DDX31: variants seen among roughly 807,000 people sequenced by gnomAD.
DDX31 encodes the protein ATP-dependent DNA helicase DDX31.
DDX31 carries 70 observed loss-of-function variants against 91.3 expected under a neutral mutation model. That is an observed-to-expected ratio of 0.77 (90% CI 0.63 to 0.94). The LOEUF (loss-of-function observed/expected upper bound fraction) is 0.94. DDX31 is among the 40% of genes least tolerant of loss of function. DDX31 has a pLI of 0.00. For missense variants in DDX31, 902 were observed against 925.0 expected (o/e 0.98, Z 0.32); for synonymous variants, 362 against 350.6 (o/e 1.03, Z -0.36).
chr9:132,633,131 T>G lies in DDX31; in HGVS notation c.1441-1040A>C, dbSNP rs766365004. On this transcript the variant is annotated intron_variant, in intron 14 of 19. Transcript: ENST00000372159. Reference sequence around the variant, plus strand: ...ATGACAAAACCAAAGTTAAGAGAGATAAAGTATTTTGTTCGGGGACACACA... The same window carrying G: ...ATGACAAAACCAAAGTTAAGAGAGAGAAAGTATTTTGTTCGGGGACACACA... Among the ~76,000 whole-genome samples the G allele has an allele frequency of 5.9e-5, 9 of 152,336 alleles. No individual in the cohort carries two copies. The South Asian group carries it at 1.0e-3, about 18-fold the overall frequency.
At chr9:132,661,335 G>A (rs1834928792) in intron 3 of DDX31, 84 bp from the exon 4 acceptor site, 4 of 1,170,864 alleles carry the variant, frequency 3.4e-6, no homozygotes, top group Non-Finnish European at 5.0e-6. Context: ...AGAAACTATT[G>A]AGAGAACATT....
At chr9:132,619,277 G>T (rs765474204) in intron 17 of DDX31, among the ~76,000 whole-genome samples, 14 of 152,188 alleles carry the variant, frequency 9.2e-5, no homozygotes, top group African/African-American at 3.1e-4. Context: ...GCTTTCTACT[G>T]AATGTGAAAT....
intron 6 of DDX31, among the ~76,000 whole-genome samples, chr9:132,657,630 T>G (rs751953870): frequency 4.6e-5 from 7 of 152,266 alleles, no homozygotes; most frequent in Non-Finnish European, 7.3e-5. Context: ...ATACTGCTAA[T>G]TCTGCATATC....
At chr9:132,616,492 C>T (rs978817694) in intron 18 of DDX31, among the ~76,000 whole-genome samples, 2 of 152,192 alleles carry the variant, frequency 1.3e-5, no homozygotes, top group African/African-American at 4.8e-5. Context: ...ATATCTGAGG[C>T]ATCACTGACA....
intron 1 of DDX31, among the ~76,000 whole-genome samples, chr9:132,667,808 T>G (rs1373861297): frequency 6.6e-6 from 1 of 152,224 alleles, no homozygotes; most frequent in African/African-American, 2.4e-5. Flanking sequence ...AGCAATCTAT[T>G]ATCCAAAATG....
intron 13 of DDX31, among the ~76,000 whole-genome samples, chr9:132,645,377 C>T (rs1417838081): frequency 2.0e-5 from 3 of 152,186 alleles, no homozygotes; most frequent in Non-Finnish European, 4.4e-5. Flanking sequence ...CTTTGGTTCA[C>T]GGTACCCTCT....
At chr9:132,650,147 C>G in intron 9 of DDX31, 87 bp downstream of exon 9, 1 of 1,310,176 alleles carries the variant, frequency 7.6e-7, no homozygotes, top group African/African-American at 1.5e-5. Flanking sequence ...ACAAAGCTCT[C>G]AGCAGGTTTA....
At chr9:132,663,168 G>A (rs1835091416) in intron 1 of DDX31, 1 of 1,288,718 alleles carries the variant, frequency 7.8e-7, no homozygotes, top group Admixed American at 2.3e-5. Flanking sequence ...GGAGAGAGGG[G>A]CGAGGGGGAA....
Position 132,614,868 on chromosome 9 carries a change from C to G in DDX31, c.1826-2613G>C, listed in dbSNP as rs369439721. Among the ~76,000 whole-genome samples the G allele has an allele frequency of 7.0e-4, 106 of 152,274 alleles. 1 individual carries two copies. In the South Asian group the frequency reaches 0.017, roughly 25 times the overall value. ...CCTTGTCCTCAAGGCTCCTGTCTCA[C>G]CGGGGACAGCGACAGTTGGTTGTTC... On this transcript the variant is annotated intron_variant, in intron 18 of 19. Coordinates refer to ENST00000372159, the MANE Select transcript of DDX31 (RefSeq NM_022779.9).
intron 14 of DDX31, among the ~76,000 whole-genome samples, chr9:132,632,338 A>G (rs1832842570): frequency 6.7e-6 from 1 of 149,234 alleles, no homozygotes; most frequent in South Asian, 2.1e-4. Flanking sequence ...GACCTACTGC[A>G]GTCCTCTTGT....
chr9:132,658,621 G>A, intron 6 of DDX31, 50 bp downstream of exon 6: 1 of 1,502,462 alleles, frequency 6.7e-7, no homozygotes, highest in Non-Finnish European at 9.2e-7. Context: ...TCAGTTTGAT[G>A]GTTGCTTATG....
At chr9:132,645,824 C>T (rs1246493884) in intron 13 of DDX31, 71 bp downstream of exon 13, 36 of 1,497,594 alleles carry the variant, frequency 2.4e-5, no homozygotes, top group Non-Finnish European at 2.7e-5. Flanking sequence ...CCAGGTTTGC[C>T]GGACTCAGGT....
chr9:132,658,497 A>C lies in DDX31; in HGVS notation c.588+174T>G, dbSNP rs17149424. On this transcript the variant is annotated intron_variant, in intron 6 of 19. Coordinates refer to ENST00000372159, the MANE Select transcript of DDX31 (RefSeq NM_022779.9). The stretch of plus-strand genomic sequence containing the variant: ...GACAATTGTGAAGTGTATTTATTCT[A>C]CTCTAGGCACAGTCTCTAGATACAA... The C allele has an allele frequency of 7.4e-3, 5,017 of 674,100 alleles. 185 individuals carry two copies. The African/African-American group carries it at 0.081, about 11-fold the overall frequency. 41.8% of individuals were successfully genotyped at this position (674,100 alleles called of 1,614,324 possible).
At chr9:132,621,492 GCTTT>G (rs1390280755) in intron 17 of DDX31, among the ~76,000 whole-genome samples, 1 of 152,084 alleles carries the variant, frequency 6.6e-6, no homozygotes, top group Non-Finnish European at 1.5e-5. Flanking sequence ...TGCTTCACTC[GCTTT>G]CTTTCTGTTC....
At chr9:132,660,511 G>A (rs1362272770) in intron 4 of DDX31, among the ~76,000 whole-genome samples, 2 of 152,166 alleles carry the variant, frequency 1.3e-5, no homozygotes, top group Non-Finnish European at 2.9e-5. Context: ...AGAGCCAGCA[G>A]CAGCTGTCCA....
In DDX31 at chr9:132,669,919, C is replaced by T. The variant is rs757808474; in HGVS notation, c.16G>A (p.Gly6Ser). Reference sequence around the variant, plus strand: ...GTCCTGGGGTTGTCGAAGAGCGAACCGTCGGCGGCTGCCATGGTCTGCGTG... The same window carrying T: ...GTCCTGGGGTTGTCGAAGAGCGAACTGTCGGCGGCTGCCATGGTCTGCGTG... MAAAD[G>S]SLFDNPRTFS... The change falls in exon 1 of 20, where the codon GGT (glycine) becomes AGT (serine). Residue 6 changes from glycine to serine, a missense_variant. Transcript: ENST00000372159. The T allele has an allele frequency of 1.3e-6, 2 of 1,595,108 alleles. No homozygotes were observed. The highest frequency in any genetic ancestry group is 1.7e-5 in the Admixed American group (1 of 57,666).
intron 16 of DDX31, among the ~76,000 whole-genome samples, chr9:132,628,013 G>A (rs1001804033): frequency 2.0e-5 from 3 of 152,162 alleles, no homozygotes; most frequent in Non-Finnish European, 4.4e-5. Flanking sequence ...CTAGTTAATA[G>A]GGGTTTTGTT....
rs34246652 is a variant in DDX31, at chr9:132,618,410, C to G, written c.1745G>C (p.Arg582Pro). ...CGTCTGCAAGACTGTGGCTCGCTCT[C>G]GGATTTCCTGGGGGCCAACAGCATG... ...KSHAVGPQEI[R>P]ERATVLQTVF... The change falls in exon 18 of 20, where the codon CGA becomes CCA. Residue 582 changes from arginine (R) to proline (P), a missense_variant. Physicochemically the swap from Arg to Pro is moderately radical, Grantham distance 103. Transcript: ENST00000372159. 4.3e-6 allele frequency: 7 copies of G among 1,611,538 alleles called. No individual in the cohort carries two copies. In the African/African-American group the frequency reaches 9.4e-5, roughly 22 times the overall value.
rs191976458 is a variant in DDX31, at chr9:132,608,916, G to A, written c.1994+3171C>T. Reference sequence around the variant, plus strand: ...GAAAATCTGTCAAGTTTTCTCTGCCGCTTACCCTGACCACAATTATACGGT... The same window carrying A: ...GAAAATCTGTCAAGTTTTCTCTGCCACTTACCCTGACCACAATTATACGGT... On this transcript the variant is annotated intron_variant, in intron 19 of 19. Transcript: ENST00000372159. 8.6e-4 allele frequency among the ~76,000 whole-genome samples: 131 copies of A among 152,200 alleles called. 1 individual carries two copies. The highest frequency in any genetic ancestry group is 3.0e-3 in the African/African-American group (125 of 41,520).
Sources: gnomAD v4.1 joint callset for allele counts (sites outside exome capture counted in the v4.1 genomes callset) on GRCh38, gnomAD v4.1.1 for gene constraint, MANE v1.5 for transcripts, NCBI Gene and HGNC (gene_info 2026-07-23, HGNC 2026-07-21) for gene names.